The following USP38 variants were observed in gnomAD, a reference collection of about 807,000 sequenced individuals.
USP38 encodes ubiquitin carboxyl-terminal hydrolase 38.
Under a neutral mutation model 94.3 loss-of-function variants are expected in USP38, and 49 were observed. The ratio of observed to expected loss-of-function variants is 0.52; its 90% CI spans 0.41 to 0.66. USP38 has a LOEUF of 0.66. Ranked by LOEUF, USP38 falls within the 30% of genes least tolerant of loss-of-function variation. USP38 has a pLI of 0.00. For synonymous variants in USP38, 468 were observed against 463.6 expected (o/e 1.01, Z -0.12); for missense variants, 1,128 against 1,229.4 (o/e 0.92, Z 1.23).
At chr4:143,196,213 C>T (rs945410776) in intron 3 of USP38, among the ~76,000 whole-genome samples, 5 of 151,932 alleles carry the variant, frequency 3.3e-5, no homozygotes, top group Non-Finnish European at 4.4e-5. Flanking sequence ...GGCTGAGGCA[C>T]GAGAATGACT....
intron 6 of USP38, among the ~76,000 whole-genome samples, chr4:143,207,278 G>A (rs758850221): frequency 6.6e-6 from 1 of 152,214 alleles, no homozygotes; most frequent in Non-Finnish European, 1.5e-5. Context: ...CGTGGCTTGC[G>A]CCTGTAATCC....
chr4:143,189,373 C>G (rs991734840), intron 2 of USP38, among the ~76,000 whole-genome samples: 3 of 151,862 alleles, frequency 2.0e-5, no homozygotes. Flanking sequence ...TCTTTTCCTG[C>G]ATGTGTGTGT....
At chr4:143,212,448 G>A (rs1279425571) in intron 8 of USP38, 24 bp downstream of exon 8, 1 of 1,514,798 alleles carries the variant, frequency 6.6e-7, no homozygotes, top group East Asian at 2.4e-5. Context: ...TTAAAATTGT[G>A]ATTTGAGTGT....
In USP38 at chr4:143,222,551, G is replaced by A. The variant is rs1184655603; in HGVS notation, c.*2095G>A. ...TGGTTTTTTAAATTTTCTATCCAAAGTTGTTTGAATCTAAGGATACAGAGC... is the reference window on the plus strand; with the variant it reads ...TGGTTTTTTAAATTTTCTATCCAAAATTGTTTGAATCTAAGGATACAGAGC... On this transcript the variant is annotated 3_prime_UTR_variant, in exon 10 of 10. Coordinates refer to ENST00000307017, the MANE Select transcript of USP38 (RefSeq NM_032557.6). The A allele has an allele frequency of 6.6e-6, 1 of 151,868 alleles. No individual in the cohort carries two copies. Among genetic ancestry groups the A allele is most frequent in the Non-Finnish European group, 1.5e-5 (1 of 67,912 alleles). The allele number at this position is 151,868 out of a possible 1,614,324, so 9.4% of individuals were successfully genotyped here.
intron 8 of USP38, among the ~76,000 whole-genome samples, chr4:143,213,232 A>G (rs1025279413): frequency 6.6e-6 from 1 of 152,162 alleles, no homozygotes; most frequent in African/African-American, 2.4e-5. Context: ...CCTTCCATTC[A>G]GCTAAGAATC....
At position 143,222,781 on chromosome 4, in the gene USP38, G is replaced by A. The variant is rs931013954; in HGVS notation, c.*2325G>A. ...TATGCATCTGAACTTTTTTAGTAAG[G>A]TAATACTCAGGACTGTTCTGATTCT... On this transcript the variant is annotated 3_prime_UTR_variant, in exon 10 of 10. Transcript: ENST00000307017. The A allele has an allele frequency of 2.0e-5, 3 of 152,034 alleles. No homozygotes were observed. The highest frequency in any genetic ancestry group is 2.0e-4 in the Admixed American group (3 of 15,240). The allele number at this position is 152,034 out of a possible 1,614,324, so 9.4% of individuals were successfully genotyped here.
At chr4:143,202,832 A>G (rs1226106201) in intron 4 of USP38, among the ~76,000 whole-genome samples, 1 of 152,070 alleles carries the variant, frequency 6.6e-6, no homozygotes, top group East Asian at 1.9e-4. Context: ...TTGCTGTGAA[A>G]TGGGATTTGT....
In USP38 at chr4:143,204,303, G is replaced by A. The variant is rs145463625; in HGVS notation, c.1209+737G>A. On this transcript the variant is annotated intron_variant, in intron 5 of 9. Transcript: ENST00000307017. ...CCTCTTTTTTAATTCTATTTTTGCT[G>A]TGGACTGTTCATCAATGTTTCGAAT... 791 of 425,064 alleles carry A rather than the reference G, an allele frequency of 1.9e-3. 3 individuals are homozygous for A. Among genetic ancestry groups the A allele is most frequent in the East Asian group, 0.013 (182 of 13,788 alleles). 26.3% of individuals were successfully genotyped at this position (425,064 alleles called of 1,614,324 possible).
Position 143,203,466 on chromosome 4 carries a change from G to A in USP38, c.1109G>A (p.Ser370Asn), listed in dbSNP as rs1389325665. ...TTCAAAAATGATGGTCTGCCTTCAA[G>A]TACAGCCTTCTTAGTACAATTAACA... is the stretch of plus-strand genomic sequence containing the variant. ...HSFKNDGLPS[S>N]TAFLVQLTEL... The change falls in exon 5 of 10, where the codon AGT (serine) becomes AAT (asparagine). Residue 370 changes from serine to asparagine, a missense_variant. Transcript: ENST00000307017. 2 of 1,613,168 alleles carry A rather than the reference G, an allele frequency of 1.2e-6. No homozygotes were observed. Among genetic ancestry groups the A allele is most frequent in the Non-Finnish European group, 8.5e-7 (1 of 1,179,556 alleles).
intron 8 of USP38, 68 bp downstream of exon 8, chr4:143,212,492 T>C: frequency 1.0e-6 from 1 of 954,260 alleles, no homozygotes; most frequent in Non-Finnish European, 1.5e-6. Flanking sequence ...TACTTAATAT[T>C]GCTTTTACCT....
chr4:143,215,171 C>CT, intron 9 of USP38: 1 of 503,908 alleles, frequency 2.0e-6, no homozygotes, highest in South Asian at 2.6e-5. Flanking sequence ...TTATTTGTTC[C>CT]TTACAAAAGA....
chr4:143,223,144 A>T lies in USP38; in HGVS notation c.*2688A>T, dbSNP rs903595071. The T allele has an allele frequency of 1.3e-5, 2 of 152,164 alleles. No homozygotes were observed. Among genetic ancestry groups the T allele is most frequent in the Non-Finnish European group, 2.9e-5 (2 of 67,984 alleles). The allele number at this position is 152,164 out of a possible 1,614,324, so 9.4% of individuals were successfully genotyped here. On this transcript the variant is annotated 3_prime_UTR_variant, in exon 10 of 10. Transcript: ENST00000307017. The stretch of plus-strand genomic sequence containing the variant: ...GATGTCACACAAGCTCCAGTAAGCT[A>T]TCCACTAAGCAGGTGCCTGTGCAAC...
chr4:143,214,066 C>CT lies in USP38; in HGVS notation c.2091dup (p.Asn698Ter). On this transcript the variant is annotated frameshift_variant, in exon 9 of 10. Coordinates refer to ENST00000307017, the MANE Select transcript of USP38 (RefSeq NM_032557.6). LOFTEE classifies it high-confidence loss of function. ...GAAAACACTTCTGTCCCTAACGAAT[C>CT]TAACAAGATTCTTGTTAATAAAGAT... is the stretch of plus-strand genomic sequence containing the variant. 1 of 1,613,604 alleles carries CT rather than the reference C, an allele frequency of 6.2e-7. No homozygotes were observed. The highest frequency in any genetic ancestry group is 8.5e-7 in the Non-Finnish European group (1 of 1,179,802).
intron 1 of USP38, among the ~76,000 whole-genome samples, chr4:143,186,883 A>T (rs919057269): frequency 1.1e-4 from 17 of 152,120 alleles, no homozygotes; most frequent in African/African-American, 3.6e-4. Flanking sequence ...TTTCCGCTCT[A>T]CTTGGTACAA....
At chr4:143,188,641 C>T (rs1731302186) in intron 2 of USP38, among the ~76,000 whole-genome samples, 1 of 151,974 alleles carries the variant, frequency 6.6e-6, no homozygotes, top group Admixed American at 6.6e-5. Context: ...ATATTATTTG[C>T]CCTTCTTAGC....
chr4:143,197,934 G>C lies in USP38; in HGVS notation c.1050+10G>C, dbSNP rs371195237. The C allele has an allele frequency of 2.6e-5, 41 of 1,581,322 alleles. No individual in the cohort carries two copies. Among genetic ancestry groups the C allele is most frequent in the Admixed American group, 9.1e-5 (5 of 55,198 alleles). The stretch of plus-strand genomic sequence containing the variant: ...AGAGGCGTTCCATTTGGTAAGTTAT[G>C]ACATAAACGTTCTACTTTGAAAAAG... On this transcript the variant is annotated intron_variant, in intron 4 of 9. Transcript: ENST00000307017.
intron 9 of USP38, among the ~76,000 whole-genome samples, 195 bp from the exon 10 acceptor site, chr4:143,220,100 T>A (rs756193319): frequency 6.6e-6 from 1 of 152,128 alleles, no homozygotes; most frequent in Non-Finnish European, 1.5e-5. Flanking sequence ...TATTCCAGTA[T>A]GTTTTAGAGA....
At chr4:143,212,511 A>G (rs1046342369) in intron 8 of USP38, 87 bp downstream of exon 8, 3 of 666,004 alleles carry the variant, frequency 4.5e-6, no homozygotes, top group African/African-American at 3.8e-5. Flanking sequence ...CTTTAAAAAC[A>G]TATTTCAAAT....
intron 6 of USP38, among the ~76,000 whole-genome samples, chr4:143,208,851 T>C (rs548475860): frequency 1.3e-5 from 2 of 152,044 alleles, no homozygotes; most frequent in African/African-American, 2.4e-5. Flanking sequence ...TTCTTGTTTC[T>C]TTATTTTAAG....
Sources: allele counts gnomAD v4.1 joint callset (sites outside exome capture counted in the v4.1 genomes callset), GRCh38; gene constraint gnomAD v4.1.1; transcripts MANE v1.5; gene names NCBI Gene and HGNC (gene_info 2026-07-23, HGNC 2026-07-21).